The following SGCZ variants were observed in gnomAD, a reference collection of about 807,000 sequenced individuals.
SGCZ encodes the protein zeta-sarcoglycan.
Under a neutral mutation model 41.3 loss-of-function variants are expected in SGCZ, and 40 were observed. That is an observed-to-expected ratio of 0.97 (90% confidence interval 0.75 to 1.26). The LOEUF (loss-of-function observed/expected upper bound fraction) is 1.26. Ranked by LOEUF, SGCZ falls within the 50% of genes most tolerant of loss-of-function variation. The pLI is 0.00. For missense variants in SGCZ, 552 were observed against 369.8 expected (o/e 1.49, Z -4.04); for synonymous variants, 206 against 137.5 (o/e 1.50, Z -3.49).
chr8:15,161,400 C>A (rs1162127272), intron 1 of SGCZ, among the ~76,000 whole-genome samples: 2 of 152,116 alleles, frequency 1.3e-5, no homozygotes, highest in African/African-American at 4.8e-5. Context: ...TTACCCCACT[C>A]ATTATACCAT....
At chr8:14,817,762 C>G (rs887284641) in intron 1 of SGCZ, among the ~76,000 whole-genome samples, 13 of 152,158 alleles carry the variant, frequency 8.5e-5, no homozygotes, top group Non-Finnish European at 1.9e-4. Context: ...CCCATGTGCG[C>G]TCATTGTTGT....
In SGCZ at chr8:14,932,246, T is replaced by G. The variant is rs191672414; in HGVS notation, c.39+305339A>C. On this transcript the variant is annotated intron_variant, in intron 1 of 7. Coordinates refer to ENST00000382080, the MANE Select transcript of SGCZ (RefSeq NM_139167.4). ...TATAAAGGTTAAAATGCTTAGATTT[T>G]GAAAGTTTCAAAATATTATAACATA... is the stretch of plus-strand genomic sequence containing the variant. Among the ~76,000 whole-genome samples, 183 of 152,106 alleles carry G rather than the reference T, an allele frequency of 1.2e-3. 6 individuals carry two copies. Among genetic ancestry groups the G allele is most frequent in the African/African-American group, 4.2e-3 (173 of 41,420 alleles).
intron 5 of SGCZ, among the ~76,000 whole-genome samples, chr8:14,136,519 G>C (rs1803203732): frequency 6.6e-6 from 1 of 152,202 alleles, no homozygotes; most frequent in South Asian, 2.1e-4. Context: ...GGCTCAGTGA[G>C]TTCCACACCC....
chr8:14,479,746 T>TTTTC (rs1801477498), intron 2 of SGCZ, among the ~76,000 whole-genome samples: 3 of 76,132 alleles, frequency 3.9e-5, no homozygotes, highest in African/African-American at 1.2e-4. Context: ...TTTTTTTTTT[T>TTTTC]TTTTTTTTTT....
intron 2 of SGCZ, among the ~76,000 whole-genome samples, chr8:14,324,587 C>G (rs1398287901): frequency 6.6e-6 from 1 of 152,030 alleles, no homozygotes; most frequent in Non-Finnish European, 1.5e-5. Flanking sequence ...TTTTACATTA[C>G]AGTTATACAA....
At chr8:14,614,812 A>G (rs1359264786) in intron 1 of SGCZ, among the ~76,000 whole-genome samples, 1 of 152,278 alleles carries the variant, frequency 6.6e-6, no homozygotes, top group African/African-American at 2.4e-5. Context: ...CTAATAAACT[A>G]AGAAAAATGA....
chr8:14,529,229 T>C (rs1803050201), intron 2 of SGCZ, among the ~76,000 whole-genome samples: 1 of 152,150 alleles, frequency 6.6e-6, no homozygotes, highest in Admixed American at 6.6e-5. Context: ...TTTTTCCCCT[T>C]ATGATCCTAC....
chr8:14,753,675 G>C (rs375348875), intron 1 of SGCZ, among the ~76,000 whole-genome samples: 2 of 152,174 alleles, frequency 1.3e-5, no homozygotes, highest in East Asian at 1.9e-4. Flanking sequence ...TGTAACATCA[G>C]AATGGTTGTA....
chr8:14,704,186 C>T (rs1585195798), intron 1 of SGCZ, among the ~76,000 whole-genome samples: 1 of 152,080 alleles, frequency 6.6e-6, no homozygotes, highest in East Asian at 1.9e-4. Context: ...GCTATGCATA[C>T]TCATAGATGT....
At chr8:14,706,246 T>A (rs539084928) in intron 1 of SGCZ, among the ~76,000 whole-genome samples, 1 of 152,150 alleles carries the variant, frequency 6.6e-6, no homozygotes, top group East Asian at 1.9e-4. Context: ...ACTGCCCTTT[T>A]TAAAACCAGA....
intron 1 of SGCZ, among the ~76,000 whole-genome samples, chr8:14,580,804 T>G (rs767842233): frequency 4.6e-5 from 7 of 152,194 alleles, no homozygotes; most frequent in Non-Finnish European, 1.0e-4. Context: ...CCATTCTGAT[T>G]AAATTGCAGT....
intron 1 of SGCZ, among the ~76,000 whole-genome samples, chr8:14,795,490 T>A (rs1012966524): frequency 6.6e-6 from 1 of 152,114 alleles, no homozygotes; most frequent in Non-Finnish European, 1.5e-5. Context: ...TCACCCATGC[T>A]GGAGTACAGT....
intron 2 of SGCZ, among the ~76,000 whole-genome samples, chr8:14,470,903 C>T (rs992812749): frequency 6.6e-6 from 1 of 152,084 alleles, no homozygotes; most frequent in African/African-American, 2.4e-5. Context: ...GTCGTGTTAA[C>T]AATTTTACTT....
chr8:14,108,364 C>T, intron 5 of SGCZ, 129 bp from the exon 6 acceptor site: 1 of 724,442 alleles, frequency 1.4e-6, no homozygotes, highest in Admixed American at 2.5e-5. Context: ...ATGTATTAGT[C>T]CGTTTTCACA....
intron 3 of SGCZ, among the ~76,000 whole-genome samples, chr8:14,304,059 T>G (rs966428780): frequency 3.3e-5 from 5 of 152,094 alleles, no homozygotes; most frequent in African/African-American, 7.2e-5. Flanking sequence ...GCCAGTTTGC[T>G]ATTTTTTAAT....
At chr8:14,622,780 C>A (rs939299476) in intron 1 of SGCZ, among the ~76,000 whole-genome samples, 1 of 152,062 alleles carries the variant, frequency 6.6e-6, no homozygotes, top group Non-Finnish European at 1.5e-5. Flanking sequence ...AATAATAAAT[C>A]AAAATAAATT....
chr8:15,233,186 T>C (rs1202247904), intron 1 of SGCZ, among the ~76,000 whole-genome samples: 1 of 151,912 alleles, frequency 6.6e-6, no homozygotes, highest in Non-Finnish European at 1.5e-5. Context: ...CTGCTAAAAA[T>C]ATGCCATTTG....
intron 1 of SGCZ, among the ~76,000 whole-genome samples, chr8:15,149,812 A>G (rs1351242195): frequency 6.6e-6 from 1 of 152,130 alleles, no homozygotes; most frequent in African/African-American, 2.4e-5. Context: ...TTCTAAAAAT[A>G]CACACTAATA....
chr8:14,216,275 T>C (rs1375723278), intron 4 of SGCZ, among the ~76,000 whole-genome samples: 1 of 152,154 alleles, frequency 6.6e-6, no homozygotes, highest in Non-Finnish European at 1.5e-5. Flanking sequence ...TGCAAACCCC[T>C]GGACTTCCGA....
Sources: allele counts gnomAD v4.1 joint callset (sites outside exome capture counted in the v4.1 genomes callset), GRCh38; gene constraint gnomAD v4.1.1; transcripts MANE v1.5; gene names NCBI Gene and HGNC (gene_info 2026-07-23, HGNC 2026-07-21).